The following TCF4 variants were observed in gnomAD, a reference collection of about 807,000 sequenced individuals.
TCF4 encodes the protein SL3-3 enhancer factor 2.
In TCF4, 3 loss-of-function variants were observed where a neutral mutation model predicts 82.1. The ratio of observed to expected loss-of-function variants is 0.04; its 90% confidence interval spans 0.02 to 0.09. The LOEUF (loss-of-function observed/expected upper bound fraction) is 0.09, where lower values mean the gene tolerates loss of function less well. Among genes scored for constraint, TCF4 ranks in the 10% least tolerant of loss-of-function variants. The pLI, the probability that TCF4 is intolerant of heterozygous loss-of-function variation, is 1.00. For missense variants in TCF4, 518 were observed against 852.7 expected (o/e 0.61, Z 4.89); for synonymous variants, 276 against 309.6 (o/e 0.89, Z 1.14).
chr18:55,409,243 C>T (rs1433710117), intron 5 of TCF4, among the ~76,000 whole-genome samples: 1 of 152,118 alleles, frequency 6.6e-6, no homozygotes, highest in Non-Finnish European at 1.5e-5. Context: ...GCTCCAAAAA[C>T]CAAAAGGGAG....
At chr18:55,502,249 TTA>T (rs2146060656) in intron 3 of TCF4, among the ~76,000 whole-genome samples, 1 of 152,334 alleles carries the variant, frequency 6.6e-6, no homozygotes, top group East Asian at 1.9e-4. Flanking sequence ...TTACAACCCC[TTA>T]TGGTCTGAAA....
intron 15 of TCF4, among the ~76,000 whole-genome samples, chr18:55,237,790 T>C (rs149093096): frequency 0.02 from 3,026 of 152,316 alleles, 53 homozygotes; most frequent in Non-Finnish European, 0.032. Context: ...ATTTGAATAA[T>C]TGGCTTGGCT....
At chr18:55,568,059 T>A (rs2097425342) in intron 3 of TCF4, among the ~76,000 whole-genome samples, 2 of 151,894 alleles carry the variant, frequency 1.3e-5, no homozygotes, top group African/African-American at 2.4e-5. Context: ...TTAAAACCTA[T>A]GTAATACAGT....
At chr18:55,594,846 A>G (rs2097689251) in intron 2 of TCF4, among the ~76,000 whole-genome samples, 1 of 152,208 alleles carries the variant, frequency 6.6e-6, no homozygotes, top group Non-Finnish European at 1.5e-5. Flanking sequence ...ACATAGGTAG[A>G]CCATGCTTCT....
At chr18:55,457,367 T>G (rs1330537760) in intron 5 of TCF4, among the ~76,000 whole-genome samples, 2 of 152,262 alleles carry the variant, frequency 1.3e-5, no homozygotes, top group Admixed American at 1.3e-4. Context: ...TGTACATGTG[T>G]GTGCATGCAT....
chr18:55,308,785 C>T (rs1002284561), intron 8 of TCF4, among the ~76,000 whole-genome samples: 1 of 152,182 alleles, frequency 6.6e-6, no homozygotes, highest in Non-Finnish European at 1.5e-5. Context: ...AATGTCAATT[C>T]TTACATCAGA....
At chr18:55,432,122 C>A (rs566249770) in intron 5 of TCF4, among the ~76,000 whole-genome samples, 80 of 152,094 alleles carry the variant, frequency 5.3e-4, no homozygotes, top group African/African-American at 1.9e-3. Flanking sequence ...GTAAACATGG[C>A]GAAACCCTGT....
chr18:55,589,515 C>A (rs1253291950), upstream of TCF4: 2 of 1,053,280 alleles, frequency 1.9e-6, no homozygotes, highest in Non-Finnish European at 2.3e-6. Flanking sequence ...AAAATTCCCT[C>A]CCCCAAAAAA....
chr18:55,362,339 G>GGAAGGA (rs1188160658), intron 6 of TCF4, among the ~76,000 whole-genome samples: 3 of 68,562 alleles, frequency 4.4e-5, no homozygotes, highest in African/African-American at 1.4e-4. Flanking sequence ...AAAAAAAAAA[G>GGAAGGA]AGGAAGGAAG....
At chr18:55,356,035 G>A (rs902594535) in intron 6 of TCF4, among the ~76,000 whole-genome samples, 1 of 152,084 alleles carries the variant, frequency 6.6e-6, no homozygotes, top group Non-Finnish European at 1.5e-5. Flanking sequence ...TTCTTCCCGT[G>A]TAAAAAGGGA....
Position 55,630,847 on chromosome 18 carries a change from A to G in TCF4, c.286+451T>C, listed in dbSNP as rs77071587. Among the ~76,000 whole-genome samples, 4 of 152,294 alleles carry G rather than the reference A, an allele frequency of 2.6e-5. No individual in the cohort carries two copies. The East Asian group carries it at 7.7e-4, about 29-fold the overall frequency. Reference sequence around the variant, plus strand: ...TTTCTGTAGGATGAGTGGTGATTAAATGGACAGAATTGGGAAGAGGACTGA... The same window carrying G: ...TTTCTGTAGGATGAGTGGTGATTAAGTGGACAGAATTGGGAAGAGGACTGA... On this transcript the variant is annotated intron_variant, in intron 2 of 20. Transcript: ENST00000398339.
At chr18:55,232,439 T>C in intron 17 of TCF4, 70 bp downstream of exon 17, 1 of 1,577,800 alleles carries the variant, frequency 6.3e-7, no homozygotes, top group Non-Finnish European at 8.7e-7. Flanking sequence ...AATAGTTTCT[T>C]CCCGTTCTGT....
At chr18:55,233,782 G>A (rs1335362761) in intron 16 of TCF4, among the ~76,000 whole-genome samples, 1 of 141,010 alleles carries the variant, frequency 7.1e-6, no homozygotes, top group Non-Finnish European at 1.5e-5. Flanking sequence ...TCGCACCACT[G>A]TACTCCAGCC....
intron 3 of TCF4, chr18:55,469,656 A>T (rs780065989): frequency 6.6e-6 from 1 of 152,204 alleles, no homozygotes; most frequent in Non-Finnish European, 1.5e-5. Flanking sequence ...GTGGTCAGCA[A>T]GATCAAAACT....
At chr18:55,229,788 T>C (rs1419517775) in intron 17 of TCF4, 5 of 152,432 alleles carry the variant, frequency 3.3e-5, no homozygotes, top group Non-Finnish European at 7.3e-5. Context: ...TTATAGATGT[T>C]TATGATCCAC....
At chr18:55,269,522 T>G in intron 11 of TCF4, 1 of 393,194 alleles carries the variant, frequency 2.5e-6, no homozygotes, top group South Asian at 2.2e-5. Context: ...CACTGATGGC[T>G]CATCTTATGA....
chr18:55,429,775 A>C (rs1272717695), intron 5 of TCF4, among the ~76,000 whole-genome samples: 2 of 150,502 alleles, frequency 1.3e-5, no homozygotes, highest in African/African-American at 4.9e-5. Context: ...AAAAAAAAAA[A>C]AAAAAAAAAA....
chr18:55,415,886 T>A (rs1408659605), intron 5 of TCF4, among the ~76,000 whole-genome samples: 3 of 152,240 alleles, frequency 2.0e-5, no homozygotes, highest in Admixed American at 6.5e-5. Context: ...TAGCAAAGTC[T>A]CTTTTAGTGT....
At chr18:55,314,072 G>A (rs2073401674) in intron 8 of TCF4, among the ~76,000 whole-genome samples, 1 of 152,106 alleles carries the variant, frequency 6.6e-6, no homozygotes, top group African/African-American at 2.4e-5. Flanking sequence ...CAGGTAGAGG[G>A]AAGCCCTAAT....
Sources: gnomAD v4.1 joint callset for allele counts (sites outside exome capture counted in the v4.1 genomes callset) on GRCh38, gnomAD v4.1.1 for gene constraint, MANE v1.5 for transcripts, NCBI Gene and HGNC (gene_info 2026-07-23, HGNC 2026-07-21) for gene names.